ZNFX1: variants seen among roughly 807,000 people sequenced by gnomAD.
ZNFX1 encodes the protein zinc finger NFX1-type containing 1.
Under a neutral mutation model 179.8 loss-of-function variants are expected in ZNFX1, and 78 were observed. That is an observed-to-expected ratio of 0.43 (90% CI 0.36 to 0.52). The LOEUF (loss-of-function observed/expected upper bound fraction) is 0.52, where lower values mean the gene tolerates loss of function less well. ZNFX1 is among the 20% of genes least tolerant of loss of function. ZNFX1 has a pLI of 0.00. For synonymous variants in ZNFX1, 848 were observed against 868.5 expected (o/e 0.98, Z 0.42); for missense variants, 1,927 against 2,386.6 (o/e 0.81, Z 4.01).
Position 49,271,528 on chromosome 20 carries a change from T to C in ZNFX1, c.284A>G (p.Gln95Arg). The change falls in exon 3 of 14, where the codon CAA (glutamine) becomes CGA (arginine). Residue 95 changes from glutamine to arginine, a missense_variant. Physicochemically the swap from Gln to Arg is conservative, Grantham distance 43. Coordinates refer to ENST00000396105, the MANE Select transcript of ZNFX1 (RefSeq NM_021035.3). ...EGHASDEARD[Q>R]RHDQENDTRW... ...GGTGTCATTCTCCTGGTCATGTCTTTGGTCTCTAGCTTCGTCGCTGGCATG... is the reference window on the plus strand; with the variant it reads ...GGTGTCATTCTCCTGGTCATGTCTTCGGTCTCTAGCTTCGTCGCTGGCATG... The C allele has an allele frequency of 6.2e-7, 1 of 1,614,194 alleles. No individual in the cohort carries two copies. The highest frequency in any genetic ancestry group is 8.5e-7 in the Non-Finnish European group (1 of 1,180,026).
Position 49,249,570 on chromosome 20 carries a change from A to G in ZNFX1, c.3454T>C (p.Ser1152Pro). 1.2e-6 allele frequency: 2 copies of G among 1,614,240 alleles called. No homozygotes were observed. The highest frequency in any genetic ancestry group is 1.7e-6 in the Non-Finnish European group (2 of 1,180,038). Residue 1152 changes from serine (S) to proline (P), a missense_variant, in exon 14 of 14, where the codon TCC (serine) becomes CCC (proline). Ser to Pro is a moderately conservative substitution (Grantham distance 74). Transcript: ENST00000396105. ...KYFLCQEYLP[S>P]QITILTTYTG... is the part of the protein sequence containing the mutation. Reference sequence around the variant, plus strand: ...TAGGTAGTGAGGATGGTGATCTGGGAAGGCAGGTATTCCTGGCACAGGAAG... The same window carrying G: ...TAGGTAGTGAGGATGGTGATCTGGGGAGGCAGGTATTCCTGGCACAGGAAG...
Position 49,246,504 on chromosome 20 carries a change from AG to A in ZNFX1, c.*762del. ...AGGGAGGGGTTCTTGTGCTCCTTTA[AG>A]GGATAAGCAGTTCATAAACAACTAT... On this transcript the variant is annotated 3_prime_UTR_variant, in exon 14 of 14. Transcript: ENST00000396105. 5.7e-6 allele frequency: 1 copy of A among 176,482 alleles called. No individual in the cohort carries two copies. Among genetic ancestry groups the A allele is most frequent in the South Asian group, 1.1e-4 (1 of 9,176 alleles). 10.9% of individuals were successfully genotyped at this position (176,482 alleles called of 1,614,324 possible).
At chr20:49,264,185 G>A (rs1316146210) in intron 5 of ZNFX1, among the ~76,000 whole-genome samples, 5 of 152,210 alleles carry the variant, frequency 3.3e-5, no homozygotes, top group African/African-American at 9.6e-5. Flanking sequence ...TTGTGCCACT[G>A]CACTCCAGCC....
At position 49,247,402 on chromosome 20, in the gene ZNFX1, T is replaced by G; in HGVS notation, c.5622A>C (p.Glu1874Asp). ...GAGTATGATTTGTGCCACCAATCAC[T>G]TCCTTACAGTCAGGACACGTGCCCC... ...MERGTCPDCK[E>D]VIGGTNHTLE... The change falls in exon 14 of 14, where the codon GAA (glutamate) becomes GAC (aspartate). Residue 1874 changes from glutamate (E) to aspartate (D), a missense_variant. Transcript: ENST00000396105. 2 of 1,614,172 alleles carry G rather than the reference T, an allele frequency of 1.2e-6. No homozygotes were observed. The highest frequency in any genetic ancestry group is 1.7e-6 in the Non-Finnish European group (2 of 1,180,038).
intron 5 of ZNFX1, 143 bp from the exon 6 acceptor site, chr20:49,263,626 C>A: frequency 9.8e-7 from 1 of 1,019,302 alleles, no homozygotes; most frequent in East Asian, 2.6e-5. Context: ...ACCAATTTCC[C>A]AAGGCACATT....
chr20:49,256,017 G>A, intron 8 of ZNFX1, 70 bp from the exon 9 acceptor site: 1 of 1,563,536 alleles, frequency 6.4e-7, no homozygotes, highest in Non-Finnish European at 8.7e-7. Context: ...CCAAGGCAGG[G>A]GTCACAGCAC....
At position 49,251,549 on chromosome 20, in the gene ZNFX1, A is replaced by G; in HGVS notation, c.3290T>C (p.Val1097Ala). ...CACCTTAATCTTCTCATACTTAAGA[A>G]CAGATGGATGATTCTCCAGATCCTG... is the stretch of plus-strand genomic sequence containing the variant. ...IYQDLENHPSVLKYEKIKGVS... is the reference protein window; with the variant it reads ...IYQDLENHPSALKYEKIKGVS... The change falls in exon 13 of 14, where the codon GTT becomes GCT. Residue 1097 changes from valine (V) to alanine (A), a missense_variant. Coordinates refer to ENST00000396105, the MANE Select transcript of ZNFX1 (RefSeq NM_021035.3). The G allele has an allele frequency of 6.2e-7, 1 of 1,612,972 alleles. No individual in the cohort carries two copies. The highest frequency in any genetic ancestry group is 8.5e-7 in the Non-Finnish European group (1 of 1,179,338).
intron 12 of ZNFX1, 82 bp downstream of exon 12, chr20:49,252,638 G>A (rs1287727778): frequency 4.4e-6 from 4 of 901,726 alleles, no homozygotes; most frequent in East Asian, 2.4e-5. Context: ...TTATTTATAT[G>A]AGACCTCTTT....
chr20:49,265,059 A>G (rs1422256309), intron 4 of ZNFX1, among the ~76,000 whole-genome samples, 195 bp from the exon 5 acceptor site: 5 of 152,158 alleles, frequency 3.3e-5, no homozygotes, highest in African/African-American at 1.2e-4. Context: ...GTAGCACTTA[A>G]AGAGTACAGG....
intron 3 of ZNFX1, among the ~76,000 whole-genome samples, chr20:49,267,146 T>C (rs1981254396): frequency 6.6e-6 from 1 of 152,248 alleles, no homozygotes; most frequent in Admixed American, 6.5e-5. Flanking sequence ...TCTGTCCGCC[T>C]TGGCCTCCCA....
intron 10 of ZNFX1, 53 bp downstream of exon 10, chr20:49,254,442 G>C: frequency 1.3e-6 from 2 of 1,597,936 alleles, no homozygotes; most frequent in Non-Finnish European, 1.7e-6. Flanking sequence ...TAGATAATCT[G>C]GCACCAGAAG....
At chr20:49,274,106 T>C (rs1463810604) in intron 2 of ZNFX1, among the ~76,000 whole-genome samples, 1 of 152,220 alleles carries the variant, frequency 6.6e-6, no homozygotes, top group Non-Finnish European at 1.5e-5. Flanking sequence ...AGTAGAGTGA[T>C]GGTCTTGGAA....
intron 12 of ZNFX1, among the ~76,000 whole-genome samples, chr20:49,252,131 C>T (rs1335099690): frequency 9.2e-5 from 14 of 151,538 alleles, no homozygotes; most frequent in Admixed American, 7.2e-4. Context: ...CACACCTGGC[C>T]TCTATTTTTC....
In ZNFX1 at chr20:49,275,806, G is replaced by A; in HGVS notation, c.34C>T (p.Pro12Ser). 6.2e-7 allele frequency: 1 copy of A among 1,614,102 alleles called. No individual in the cohort carries two copies. Among genetic ancestry groups the A allele is most frequent in the Non-Finnish European group, 8.5e-7 (1 of 1,180,002 alleles). Residue 12 changes from proline to serine, a missense_variant, in exon 2 of 14, where the codon CCC becomes TCC. Coordinates refer to ENST00000396105, the MANE Select transcript of ZNFX1 (RefSeq NM_021035.3). The stretch of plus-strand genomic sequence containing the variant: ...CTGTGGTTGGTATGGGAATTCCTGG[G>A]CCTGGCATCCAGATGAGGTCTTCTC... Reference protein sequence around the residue: ...EERRPHLDARPRNSHTNHRGP... With the variant: ...EERRPHLDARSRNSHTNHRGP...
At chr20:49,251,462 G>C in intron 13 of ZNFX1, 65 bp downstream of exon 13, 3 of 1,478,606 alleles carry the variant, frequency 2.0e-6, no homozygotes, top group Non-Finnish European at 2.8e-6. Flanking sequence ...TTTTTATCTT[G>C]AGGAAATTAT....
At chr20:49,267,117 G>A (rs1981253008) in intron 3 of ZNFX1, among the ~76,000 whole-genome samples, 1 of 152,126 alleles carries the variant, frequency 6.6e-6, no homozygotes, top group African/African-American at 2.4e-5. Context: ...GGATGGTCTT[G>A]ATCTCTTGAC....
chr20:49,275,287 G>C (rs1175866902), intron 2 of ZNFX1, among the ~76,000 whole-genome samples: 1 of 152,026 alleles, frequency 6.6e-6, no homozygotes, highest in Non-Finnish European at 1.5e-5. Flanking sequence ...AAAAGTGGAG[G>C]GTTGGCTGTT....
At position 49,249,438 on chromosome 20, in the gene ZNFX1, G is replaced by A; in HGVS notation, c.3586C>T (p.Leu1196Phe). 1 of 1,614,260 alleles carries A rather than the reference G, an allele frequency of 6.2e-7. No homozygotes were observed. Among genetic ancestry groups the A allele is most frequent in the South Asian group, 1.1e-5 (1 of 91,090 alleles). Reference sequence around the variant, plus strand: ...TGGTTGCTCCGCACTAGCGAGAGGAGGATGATGTCATTCTCTTCCCCTTGG... The same window carrying A: ...TGGTTGCTCCGCACTAGCGAGAGGAAGATGATGTCATTCTCTTCCCCTTGG... ...KYQGEENDII[L>F]LSLVRSNQEG... Residue 1196 changes from leucine (L) to phenylalanine (F), a missense_variant, in exon 14 of 14, where the codon CTC becomes TTC. By Grantham distance (22) the Leu-to-Phe change is conservative. Coordinates refer to ENST00000396105, the MANE Select transcript of ZNFX1 (RefSeq NM_021035.3).
chr20:49,254,406 C>G, intron 10 of ZNFX1, 89 bp downstream of exon 10: 1 of 1,492,364 alleles, frequency 6.7e-7, no homozygotes, highest in Non-Finnish European at 9.1e-7. Flanking sequence ...TCTAACCTAC[C>G]AAAGAAGCTC....
Sources: allele counts gnomAD v4.1 joint callset (sites outside exome capture counted in the v4.1 genomes callset), GRCh38; gene constraint gnomAD v4.1.1; transcripts MANE v1.5; gene names NCBI Gene and HGNC (gene_info 2026-07-23, HGNC 2026-07-21).